The following AVL9 variants were observed in gnomAD, a reference collection of about 807,000 sequenced individuals.
The protein encoded by AVL9 is AVL9 cell migration associated.
A neutral mutation model predicts 79.2 loss-of-function variants in AVL9; 49 were observed. The observed-to-expected ratio is 0.62, with a 90% CI of 0.49 to 0.79. The LOEUF is 0.79. Ranked by LOEUF, AVL9 falls within the 30% of genes least tolerant of loss-of-function variation. The probability of loss-of-function intolerance (pLI) is 0.00; values close to 1 mark genes in which losing one functional copy is unlikely to be tolerated. For synonymous variants in AVL9, 299 were observed against 280.6 expected (o/e 1.07, Z -0.65); for missense variants, 682 against 776.8 (o/e 0.88, Z 1.45).
At chr7:32,496,939 A>C (rs933456138) in intron 1 of AVL9, among the ~76,000 whole-genome samples, 1 of 152,196 alleles carries the variant, frequency 6.6e-6, no homozygotes, top group Non-Finnish European at 1.5e-5. Context: ...TGTCTCCACA[A>C]AAAAATTAAA....
At chr7:32,558,865 T>C (rs1362114410) in intron 9 of AVL9, 64 bp from the exon 10 acceptor site, 7 of 1,397,562 alleles carry the variant, frequency 5.0e-6, no homozygotes, top group Non-Finnish European at 6.8e-6. Flanking sequence ...TCTACTAATA[T>C]ATAGCTCTCA....
intron 8 of AVL9, among the ~76,000 whole-genome samples, chr7:32,557,163 C>T (rs1328985226): frequency 6.6e-6 from 1 of 151,954 alleles, no homozygotes; most frequent in African/African-American, 2.4e-5. Context: ...TCAAATTTCC[C>T]CAGATATGAT....
chr7:32,502,629 T>C (rs956159295), intron 1 of AVL9, among the ~76,000 whole-genome samples: 1 of 152,218 alleles, frequency 6.6e-6, no homozygotes, highest in African/African-American at 2.4e-5. Flanking sequence ...AAGAACATCC[T>C]TGTGGCTTTT....
chr7:32,574,349 C>T (rs1380501772), intron 12 of AVL9, among the ~76,000 whole-genome samples: 1 of 152,004 alleles, frequency 6.6e-6, no homozygotes, highest in Non-Finnish European at 1.5e-5. Flanking sequence ...GAGGAACAAG[C>T]CCTCGTTTGT....
chr7:32,562,582 T>C, intron 10 of AVL9: 1 of 970,930 alleles, frequency 1.0e-6, no homozygotes, highest in African/African-American at 1.8e-5. Context: ...CATTTCTTAA[T>C]GTCAGTAATG....
At chr7:32,555,169 C>A (rs1020594633) in intron 8 of AVL9, among the ~76,000 whole-genome samples, 1 of 151,958 alleles carries the variant, frequency 6.6e-6, no homozygotes, top group Non-Finnish European at 1.5e-5. Context: ...TGAAAGAAAC[C>A]CCATCTCTAC....
In AVL9 at chr7:32,575,571, C is replaced by T. The variant is rs192104789; in HGVS notation, c.1571-384C>T. ...AAAAGTAGAAAGATATCCCAATTGC[C>T]TGTGCCATACATATCAATCAGTATG... On this transcript the variant is annotated intron_variant, in intron 12 of 15. Coordinates refer to ENST00000318709, the MANE Select transcript of AVL9 (RefSeq NM_015060.3). Among the ~76,000 whole-genome samples, 10 of 152,244 alleles carry T rather than the reference C, an allele frequency of 6.6e-5. No individual in the cohort carries two copies. The East Asian group carries it at 1.2e-3, about 18-fold the overall frequency.
chr7:32,509,716 T>C (rs1787572421), intron 1 of AVL9, among the ~76,000 whole-genome samples: 1 of 152,094 alleles, frequency 6.6e-6, no homozygotes, highest in Non-Finnish European at 1.5e-5. Context: ...CCAGGCGTGG[T>C]GGCGGGCGCC....
chr7:32,560,276 G>T (rs1226858609), intron 10 of AVL9, among the ~76,000 whole-genome samples: 2 of 150,744 alleles, frequency 1.3e-5, no homozygotes, highest in East Asian at 3.9e-4. Context: ...ACAACAAAGT[G>T]AATAAAACTT....
rs1790013577 is a variant in AVL9, at chr7:32,555,485, G to A, written c.609+889G>A. Among the ~76,000 whole-genome samples, 3 of 152,168 alleles carry A rather than the reference G, an allele frequency of 2.0e-5. No homozygotes were observed. The South Asian group carries it at 6.2e-4, about 32-fold the overall frequency. On this transcript the variant is annotated intron_variant, in intron 8 of 15. Transcript: ENST00000318709. ...TTCCTGACCACTCCCTAATACAAAG[G>A]GATGGGTTTGCCATGATTGGCTTAG...
At chr7:32,531,596 C>G (rs898080771) in intron 1 of AVL9, 1 of 152,038 alleles carries the variant, frequency 6.6e-6, no homozygotes, top group Non-Finnish European at 1.5e-5. Flanking sequence ...CTCAGCCCAC[C>G]GTTCTCAACT....
chr7:32,550,433 C>T lies in AVL9; in HGVS notation c.373-901C>T, dbSNP rs376120044. Among the ~76,000 whole-genome samples, 178 of 152,254 alleles carry T rather than the reference C, an allele frequency of 1.2e-3. 6 individuals are homozygous for T. The South Asian group carries it at 0.037, about 31-fold the overall frequency. On this transcript the variant is annotated intron_variant, in intron 4 of 15. Transcript: ENST00000318709. ...CAAGGGATGGGAAGAGGGTAGCTTA[C>T]TCAGAAAGGTCTGGTTGTGGTTTTT...
At chr7:32,572,801 C>CAAAAAAAAAAAAAAAAAAAAA (rs3080635) in intron 11 of AVL9, among the ~76,000 whole-genome samples, 7 of 93,436 alleles carry the variant, frequency 7.5e-5, no homozygotes, top group African/African-American at 3.0e-4. Context: ...GACTCCGTCT[C>CAAAAAAAAAAAAAAAAAAAAA]AAAAAAAAAA....
intron 11 of AVL9, among the ~76,000 whole-genome samples, chr7:32,572,611 G>C (rs1489041676): frequency 1.3e-5 from 2 of 150,186 alleles, no homozygotes; most frequent in African/African-American, 5.0e-5. Context: ...GACCATCCTG[G>C]CTAACATGGT....
intron 13 of AVL9, 80 bp downstream of exon 13, chr7:32,576,152 C>A: frequency 2.1e-6 from 2 of 964,690 alleles, no homozygotes; most frequent in South Asian, 1.5e-5. Flanking sequence ...TCTATTTTAA[C>A]TTTGATATTG....
At position 32,496,127 on chromosome 7, in the gene AVL9, C is replaced by A. The variant is rs188213253; in HGVS notation, c.93+325C>A. Among the ~76,000 whole-genome samples the A allele has an allele frequency of 2.6e-5, 4 of 152,356 alleles. No homozygotes were observed. In the East Asian group the frequency reaches 5.8e-4, roughly 22 times the overall value. ...AGACCGGCCCCACTCTCTTCCCCGT[C>A]CATCATTGTCTCCACTGGCTTTCTG... On this transcript the variant is annotated intron_variant, in intron 1 of 15. Coordinates refer to ENST00000318709, the MANE Select transcript of AVL9 (RefSeq NM_015060.3).
At chr7:32,551,295 A>T in intron 4 of AVL9, 39 bp from the exon 5 acceptor site, 1 of 1,326,824 alleles carries the variant, frequency 7.5e-7, no homozygotes, top group Non-Finnish European at 1.1e-6. Flanking sequence ...GTTATCAACT[A>T]ATTATTAATC....
chr7:32,567,470 C>T (rs1790634398), intron 10 of AVL9, among the ~76,000 whole-genome samples: 1 of 152,102 alleles, frequency 6.6e-6, no homozygotes, highest in South Asian at 2.1e-4. Context: ...AATGTTTCCA[C>T]TTAGTTCAAT....
At chr7:32,574,367 A>C (rs1271409391) in intron 12 of AVL9, among the ~76,000 whole-genome samples, 1 of 152,192 alleles carries the variant, frequency 6.6e-6, no homozygotes, top group Non-Finnish European at 1.5e-5. Context: ...TGTTAATGAG[A>C]TATTTTTAAA....
Sources: allele counts gnomAD v4.1 joint callset (sites outside exome capture counted in the v4.1 genomes callset), GRCh38; gene constraint gnomAD v4.1.1; transcripts MANE v1.5; gene names NCBI Gene and HGNC (gene_info 2026-07-23, HGNC 2026-07-21).